Variants in NDRG4 observed in about 807,000 individuals in gnomAD.
NDRG4 encodes protein NDRG4.
In NDRG4, 38 loss-of-function variants were observed where a neutral mutation model predicts 55.8. The observed-to-expected ratio is 0.68, with a 90% CI of 0.53 to 0.89. The LOEUF (loss-of-function observed/expected upper bound fraction) is 0.89. Among genes scored for constraint, NDRG4 ranks in the 40% least tolerant of loss-of-function variants. NDRG4 has a pLI of 0.00. For missense variants in NDRG4, 455 were observed against 468.6 expected (o/e 0.97, Z 0.27); for synonymous variants, 190 against 182.7 (o/e 1.04, Z -0.32).
intron 1 of NDRG4, among the ~76,000 whole-genome samples, chr16:58,474,789 CA>C (rs1311921041): frequency 1.3e-5 from 2 of 152,188 alleles, no homozygotes; most frequent in African/African-American, 4.8e-5. Flanking sequence ...CATTCGGGCC[CA>C]AACCACATGT....
chr16:58,495,153 C>A, upstream of NDRG4: 1 of 773,700 alleles, frequency 1.3e-6, no homozygotes, highest in Non-Finnish European at 2.2e-6. Context: ...ATGAACTGGC[C>A]CTGCTTCTGC....
rs1597294168 is a variant in NDRG4 at position 58,503,887 on chromosome 16, T to C, written c.111T>C (p.His37=). 1 of 1,613,858 alleles carries C rather than the reference T, an allele frequency of 6.2e-7. No homozygotes were observed. Among genetic ancestry groups the C allele is most frequent in the African/African-American group, 1.3e-5 (1 of 75,036 alleles). The part of the protein sequence containing the change: ...KGNRPAILTY[H]DVGLNHKLCF... ...ACCGCCCAGCCATCCTCACCTACCATGATGTGGGCCTCAACCGTAAGTGCA... is the reference window on the plus strand; with the variant it reads ...ACCGCCCAGCCATCCTCACCTACCACGATGTGGGCCTCAACCGTAAGTGCA... Residue 37 remains histidine, a synonymous_variant, in exon 2 of 15, where the codon CAT becomes CAC. Transcript: ENST00000570248.
At chr16:58,486,157 G>C (rs1157977693) in intron 1 of NDRG4, among the ~76,000 whole-genome samples, 1 of 152,130 alleles carries the variant, frequency 6.6e-6, no homozygotes, top group Admixed American at 6.6e-5. Flanking sequence ...AAAAGAAAGA[G>C]CTATCCATTC....
chr16:58,505,185 T>TA (rs1228007074), intron 5 of NDRG4, among the ~76,000 whole-genome samples: 4 of 151,812 alleles, frequency 2.6e-5, no homozygotes, highest in Non-Finnish European at 4.4e-5. Flanking sequence ...CAGTCTCTAC[T>TA]AAAAATACAA....
intron 1 of NDRG4, among the ~76,000 whole-genome samples, chr16:58,480,940 C>T (rs1402591634): frequency 4.6e-5 from 7 of 150,614 alleles, no homozygotes; most frequent in Non-Finnish European, 1.0e-4. Flanking sequence ...ACTCAGAAGG[C>T]GGAGGTTGCA....
chr16:58,470,803 G>A (rs1380724889), intron 1 of NDRG4, among the ~76,000 whole-genome samples: 1 of 151,638 alleles, frequency 6.6e-6, no homozygotes, highest in Non-Finnish European at 1.5e-5. Context: ...GCTATGAAGG[G>A]GGCTGAGGCA....
chr16:58,494,832 TAAAA>T (rs59711785), intron 2 of NDRG4: 28 of 544,314 alleles, frequency 5.1e-5, no homozygotes, highest in South Asian at 1.0e-4. Flanking sequence ...ACCCTGTCTC[TAAAA>T]AAAAAAAAAA....
At position 58,478,697 on chromosome 16, in the gene NDRG4, GTT is replaced by G. The variant is rs59525801; in HGVS notation, c.-23-9048_-23-9047del. Among the ~76,000 whole-genome samples, 873 of 137,758 alleles carry G rather than the reference GTT, an allele frequency of 6.3e-3. 9 individuals are homozygous for G. The highest frequency in any genetic ancestry group is 0.022 in the African/African-American group (841 of 37,556). 90.4% of individuals were successfully genotyped at this position (137,758 alleles called of 152,430 possible). The stretch of plus-strand genomic sequence containing the variant: ...GTGTTTCTGTGCTTTTTTGTTTTTT[GTT>G]TTTTTTTTTTGTAATTTTTTTGTAA... On this transcript the variant is annotated intron_variant, in intron 1 of 15. Coordinates refer to the NDRG4 transcript ENST00000258187.
chr16:58,482,447 C>T (rs529224775), intron 1 of NDRG4, among the ~76,000 whole-genome samples: 5 of 152,240 alleles, frequency 3.3e-5, no homozygotes, highest in East Asian at 1.9e-4. Flanking sequence ...TCAGTTCTAG[C>T]GTTTCTCACT....
At position 58,503,869 on chromosome 16, in the gene NDRG4, A is replaced by G; in HGVS notation, c.93A>G (p.Pro31=). ...GGGGCTCCCCCAAGGGGAACCGCCCAGCCATCCTCACCTACCATGATGTGG... is the reference window on the plus strand; with the variant it reads ...GGGGCTCCCCCAAGGGGAACCGCCCGGCCATCCTCACCTACCATGATGTGG... The part of the protein sequence containing the change: ...VIRGSPKGNR[P]AILTYHDVGL... The change falls in exon 2 of 15, where the codon CCA becomes CCG. Residue 31 remains proline (P), a synonymous_variant. Transcript: ENST00000570248. 6.2e-7 allele frequency: 1 copy of G among 1,613,882 alleles called. No individual in the cohort carries two copies. Among genetic ancestry groups the G allele is most frequent in the African/African-American group, 1.3e-5 (1 of 75,004 alleles).
In NDRG4 at chr16:58,504,211, A is replaced by G. The variant is rs974544023; in HGVS notation, c.185A>G (p.His62Arg). The G allele has an allele frequency of 2.5e-6, 4 of 1,614,140 alleles. No individual in the cohort carries two copies. Among genetic ancestry groups the G allele is most frequent in the Non-Finnish European group, 2.5e-6 (3 of 1,180,008 alleles). The change falls in exon 3 of 15, where the codon CAC becomes CGC. Residue 62 changes from histidine (H) to arginine (R), a missense_variant. His to Arg is a conservative substitution (Grantham distance 29). Transcript: ENST00000570248. Reference protein sequence around the residue: ...NFEDMQEITKHFVVCHVDAPG... With the variant: ...NFEDMQEITKRFVVCHVDAPG... The stretch of plus-strand genomic sequence containing the variant: ...GAGGACATGCAGGAGATCACCAAGC[A>G]CTTTGTGGTGTGTCACGTGGATGCC...
At chr16:58,484,300 G>A (rs1216221129) in intron 1 of NDRG4, among the ~76,000 whole-genome samples, 1 of 152,118 alleles carries the variant, frequency 6.6e-6, no homozygotes, top group Admixed American at 6.5e-5. Context: ...TTGAACCCAG[G>A]AGGCAGAGGC....
At chr16:58,467,707 C>G (rs1056370918) in intron 1 of NDRG4, among the ~76,000 whole-genome samples, 5 of 152,184 alleles carry the variant, frequency 3.3e-5, no homozygotes, top group African/African-American at 1.2e-4. Context: ...GTCTAATAGC[C>G]GTTCCACACT....
At chr16:58,465,203 C>T in intron 1 of NDRG4, 1 of 889,474 alleles carries the variant, frequency 1.1e-6, no homozygotes. Flanking sequence ...TATAGGTGCT[C>T]CATCCGTGTA....
intron 13 of NDRG4, among the ~76,000 whole-genome samples, chr16:58,510,289 T>C (rs780004616): frequency 1.2e-4 from 18 of 152,214 alleles, no homozygotes; most frequent in Non-Finnish European, 2.6e-4. Flanking sequence ...TGAGACGCGT[T>C]CTCAGGGTCC....
intron 1 of NDRG4, among the ~76,000 whole-genome samples, chr16:58,483,890 C>G (rs890684465): frequency 1.3e-5 from 2 of 152,106 alleles, no homozygotes; most frequent in Non-Finnish European, 2.9e-5. Flanking sequence ...CATAGTAAGA[C>G]CCCATCTCTA....
intron 1 of NDRG4, among the ~76,000 whole-genome samples, chr16:58,480,659 A>G (rs1182620001): frequency 6.6e-6 from 1 of 152,156 alleles, no homozygotes; most frequent in Non-Finnish European, 1.5e-5. Context: ...CCTGTCCTCC[A>G]TCCATTTTAC....
chr16:58,498,021 G>A (rs949640931), upstream of NDRG4, among the ~76,000 whole-genome samples: 7 of 152,138 alleles, frequency 4.6e-5, no homozygotes, highest in Non-Finnish European at 7.4e-5. Context: ...TTAAACCCAC[G>A]TCTGTGGGTT....
At chr16:58,498,751 A>T (rs12918925), upstream of NDRG4, among the ~76,000 whole-genome samples, 1 of 151,916 alleles carries the variant, frequency 6.6e-6, no homozygotes, top group Admixed American at 6.5e-5. Flanking sequence ...GAAATGGGGC[A>T]GTCTGTGTGC....
Sources: gnomAD v4.1 joint callset for allele counts (sites outside exome capture counted in the v4.1 genomes callset) on GRCh38, gnomAD v4.1.1 for gene constraint, MANE v1.5 for transcripts, NCBI Gene and HGNC (gene_info 2026-07-23, HGNC 2026-07-21) for gene names.